The following NDUFAF2 variants were observed in gnomAD, a reference collection of about 807,000 sequenced individuals.
The protein encoded by NDUFAF2 is NADH dehydrogenase [ubiquinone] 1 alpha subcomplex assembly factor 2.
Under a neutral mutation model 22.8 loss-of-function variants are expected in NDUFAF2, and 13 were observed. That is an observed-to-expected ratio of 0.57 (90% CI 0.37 to 0.91). The LOEUF (loss-of-function observed/expected upper bound fraction) is 0.91, where lower values mean the gene tolerates loss of function less well. Among genes scored for constraint, NDUFAF2 ranks in the 40% least tolerant of loss-of-function variants. The pLI is 0.01. For missense variants in NDUFAF2, 162 were observed against 195.2 expected (o/e 0.83, Z 1.01); for synonymous variants, 53 against 64.2 (o/e 0.83, Z 0.84).
At chr5:61,079,999 G>T (rs1209052472) in intron 2 of NDUFAF2, among the ~76,000 whole-genome samples, 1 of 152,130 alleles carries the variant, frequency 6.6e-6, no homozygotes, top group Non-Finnish European at 1.5e-5. Flanking sequence ...TTGTTTTGAA[G>T]ATTGTTGTTT....
In NDUFAF2 at chr5:61,004,137, A is replaced by G. The variant is rs117327483; in HGVS notation, c.127+58755A>G. Among the ~76,000 whole-genome samples, 9 of 151,992 alleles carry G rather than the reference A, an allele frequency of 5.9e-5. No homozygotes were observed. In the East Asian group the frequency reaches 1.7e-3, roughly 29 times the overall value. On this transcript the variant is annotated intron_variant, in intron 1 of 3. Coordinates refer to ENST00000296597, the MANE Select transcript of NDUFAF2 (RefSeq NM_174889.5). ...GAAGTTTATTAGGCTATTTGCATCT[A>G]TGTTATTTATTTATCCTATGTGGCT... is the stretch of plus-strand genomic sequence containing the variant.
At chr5:61,079,837 TCTTCTTAA>T (rs1345971971) in intron 2 of NDUFAF2, among the ~76,000 whole-genome samples, 1 of 152,200 alleles carries the variant, frequency 6.6e-6, no homozygotes, top group African/African-American at 2.4e-5. Flanking sequence ...CCCAGCTCCA[TCTTCTTAA>T]CTTATATAGT....
intron 1 of NDUFAF2, among the ~76,000 whole-genome samples, chr5:61,020,729 C>T (rs1464261202): frequency 3.9e-5 from 6 of 151,966 alleles, no homozygotes; most frequent in African/African-American, 1.4e-4. Flanking sequence ...TCAACTCTGT[C>T]GCCCAAGCTG....
intron 1 of NDUFAF2, among the ~76,000 whole-genome samples, chr5:60,982,820 C>T (rs375449255): frequency 2.0e-5 from 3 of 151,470 alleles, no homozygotes; most frequent in Non-Finnish European, 4.4e-5. Flanking sequence ...TTGGGTTGGT[C>T]CCAAGTCTTT....
At chr5:61,111,737 G>A (rs1448652870) in intron 3 of NDUFAF2, among the ~76,000 whole-genome samples, 1 of 151,886 alleles carries the variant, frequency 6.6e-6, no homozygotes, top group Non-Finnish European at 1.5e-5. Context: ...TCCTGCCTCA[G>A]CCTCCTGAGT....
intron 3 of NDUFAF2, among the ~76,000 whole-genome samples, chr5:61,111,664 G>T (rs778637382): frequency 2.6e-5 from 4 of 151,938 alleles, no homozygotes; most frequent in Non-Finnish European, 5.9e-5. Flanking sequence ...TGTTGCCCAG[G>T]CTGGAGTGCA....
At chr5:60,990,958 C>T (rs541027494) in intron 1 of NDUFAF2, among the ~76,000 whole-genome samples, 6 of 152,158 alleles carry the variant, frequency 3.9e-5, no homozygotes, top group East Asian at 1.9e-4. Context: ...AAAGCTCCTA[C>T]GAACTCAGGC....
At chr5:61,035,688 A>C (rs1377129255) in intron 1 of NDUFAF2, among the ~76,000 whole-genome samples, 1 of 151,998 alleles carries the variant, frequency 6.6e-6, no homozygotes, top group Admixed American at 6.6e-5. Context: ...CCTCCTAATC[A>C]TCACTTCATT....
chr5:61,147,403 C>T lies in NDUFAF2; in HGVS notation c.259-5301C>T, dbSNP rs539026549. On this transcript the variant is annotated intron_variant, in intron 3 of 3. Transcript: ENST00000296597. ...AGCTGGGACCACAGCTGCATGCCAC[C>T]AGGCCTGGCTAATTTTTGTATTTTT... 7.9e-4 allele frequency among the ~76,000 whole-genome samples: 96 copies of T among 122,072 alleles called. 1 individual carries two copies. The highest frequency in any genetic ancestry group is 1.2e-3 in the Non-Finnish European group (66 of 55,890). The allele number at this position is 122,072 out of a possible 152,430, so 80.1% of individuals were successfully genotyped here.
At chr5:60,995,690 A>T (rs969898449) in intron 1 of NDUFAF2, among the ~76,000 whole-genome samples, 1 of 152,152 alleles carries the variant, frequency 6.6e-6, no homozygotes, top group African/African-American at 2.4e-5. Flanking sequence ...TGGCTACACT[A>T]CTGCCTATAT....
chr5:60,966,710 G>A (rs1375022403), intron 1 of NDUFAF2, among the ~76,000 whole-genome samples: 1 of 151,986 alleles, frequency 6.6e-6, no homozygotes, highest in African/African-American at 2.4e-5. Flanking sequence ...TGTCCCAGTG[G>A]TCTTTGCGCT....
intron 3 of NDUFAF2, among the ~76,000 whole-genome samples, chr5:61,119,563 C>T (rs561109585): frequency 1.3e-5 from 2 of 152,244 alleles, no homozygotes; most frequent in Non-Finnish European, 2.9e-5. Flanking sequence ...AGGATATATC[C>T]TGAGCTTGGT....
At chr5:61,135,071 TTAAA>T (rs1740903061) in intron 3 of NDUFAF2, among the ~76,000 whole-genome samples, 1 of 151,346 alleles carries the variant, frequency 6.6e-6, no homozygotes, top group Non-Finnish European at 1.5e-5. Flanking sequence ...ATAAAAGAAA[TTAAA>T]TAAAAACCTA....
chr5:61,104,486 C>G (rs1752738913), intron 3 of NDUFAF2, among the ~76,000 whole-genome samples: 2 of 151,960 alleles, frequency 1.3e-5, no homozygotes, highest in South Asian at 4.2e-4. Flanking sequence ...AGAGGAGATT[C>G]TAGAAACGAA....
intron 2 of NDUFAF2, among the ~76,000 whole-genome samples, chr5:61,095,814 C>T (rs960052780): frequency 1.3e-5 from 2 of 152,148 alleles, no homozygotes; most frequent in Admixed American, 6.5e-5. Flanking sequence ...GGCTCCATGT[C>T]GCTCCAGGGT....
intron 3 of NDUFAF2, among the ~76,000 whole-genome samples, chr5:61,151,225 T>G (rs1170527371): frequency 6.6e-6 from 1 of 152,194 alleles, no homozygotes; most frequent in Non-Finnish European, 1.5e-5. Flanking sequence ...CAATATTACT[T>G]GAAATTCACT....
intron 1 of NDUFAF2, among the ~76,000 whole-genome samples, chr5:61,049,768 C>CT (rs1276120348): frequency 1.3e-5 from 2 of 151,662 alleles, no homozygotes; most frequent in East Asian, 3.9e-4. Flanking sequence ...AATTTCTTTC[C>CT]TTTTTTAAGG....
chr5:61,018,188 A>G (rs747441752), intron 1 of NDUFAF2, among the ~76,000 whole-genome samples: 1 of 152,232 alleles, frequency 6.6e-6, no homozygotes, highest in Non-Finnish European at 1.5e-5. Context: ...ATGGTAAAAT[A>G]ATATATAATG....
At chr5:60,961,544 G>C (rs1458133735) in intron 1 of NDUFAF2, among the ~76,000 whole-genome samples, 1 of 148,666 alleles carries the variant, frequency 6.7e-6, no homozygotes. Flanking sequence ...GCAGTGAGCC[G>C]AGATTGTGCC....
Sources: gnomAD v4.1 joint callset for allele counts (sites outside exome capture counted in the v4.1 genomes callset) on GRCh38, gnomAD v4.1.1 for gene constraint, MANE v1.5 for transcripts, NCBI Gene and HGNC (gene_info 2026-07-23, HGNC 2026-07-21) for gene names.